TRIM16: variants seen among roughly 807,000 people sequenced by gnomAD.
The protein encoded by TRIM16 is tripartite motif-containing protein 16.
In TRIM16, 33 loss-of-function variants were observed where a neutral mutation model predicts 50.4. The observed-to-expected ratio is 0.65, with a 90% CI of 0.50 to 0.88. The LOEUF (loss-of-function observed/expected upper bound fraction) is 0.88. Ranked by LOEUF, TRIM16 falls within the 40% of genes least tolerant of loss-of-function variation. The pLI, the probability that TRIM16 is intolerant of heterozygous loss-of-function variation, is 0.00. For synonymous variants in TRIM16, 229 were observed against 270.7 expected (o/e 0.85, Z 1.51); for missense variants, 581 against 686.8 (o/e 0.85, Z 1.72).
intron 6 of TRIM16, among the ~76,000 whole-genome samples, chr17:15,676,091 G>C (rs1214533143): frequency 6.6e-6 from 1 of 152,014 alleles, no homozygotes; most frequent in Non-Finnish European, 1.5e-5. Flanking sequence ...TTACCACTTA[G>C]AGCAGGTTTT....
intron 6 of TRIM16, among the ~76,000 whole-genome samples, chr17:15,653,118 A>G (rs929227101): frequency 6.6e-6 from 1 of 152,022 alleles, no homozygotes; most frequent in African/African-American, 2.4e-5. Flanking sequence ...TTCTCGTTCT[A>G]TCAATATTAG....
intron 8 of TRIM16, 70 bp from the exon 9 acceptor site, chr17:15,636,339 A>G (rs1192833078): frequency 1.3e-6 from 2 of 1,530,988 alleles, no homozygotes; most frequent in Admixed American, 1.7e-5. Flanking sequence ...TAGAAACTCA[A>G]CATACAGAAA....
At chr17:15,660,482 C>T (rs1988175719) in intron 6 of TRIM16, among the ~76,000 whole-genome samples, 1 of 152,160 alleles carries the variant, frequency 6.6e-6, no homozygotes, top group African/African-American at 2.4e-5. Context: ...ATTTCTATAC[C>T]CCTGATTGTC....
intron 6 of TRIM16, among the ~76,000 whole-genome samples, chr17:15,664,891 G>T (rs951442654): frequency 2.0e-5 from 3 of 152,118 alleles, no homozygotes; most frequent in African/African-American, 2.4e-5. Flanking sequence ...AATTAGCCAG[G>T]TGTGGTGGCA....
chr17:15,667,204 T>C (rs1988535843), intron 6 of TRIM16, among the ~76,000 whole-genome samples: 1 of 152,156 alleles, frequency 6.6e-6, no homozygotes, highest in Non-Finnish European at 1.5e-5. Flanking sequence ...TATTCTTTGC[T>C]ATTTTCACCA....
rs183949741 is a variant in TRIM16, at chr17:15,680,345, G to A, written c.-590+520C>T. Among the ~76,000 whole-genome samples the A allele has an allele frequency of 2.5e-4, 36 of 141,504 alleles. 6 individuals carry two copies. The highest frequency in any genetic ancestry group is 1.0e-3 in the African/African-American group (35 of 34,634). 92.8% of individuals were successfully genotyped at this position (141,504 alleles called of 152,430 possible). On this transcript the variant is annotated intron_variant, in intron 4 of 11. Transcript: ENST00000649191. The stretch of plus-strand genomic sequence containing the variant: ...TATTGAGTAGGCCCTTAATAATAAG[G>A]CCCTATTTAATAATAATAAATCTGC...
chr17:15,681,990 C>T (rs1426197661), intron 3 of TRIM16, among the ~76,000 whole-genome samples: 1 of 152,178 alleles, frequency 6.6e-6, no homozygotes, highest in African/African-American at 2.4e-5. Context: ...TGCCTACTGC[C>T]TTTACATCCT....
At position 15,683,251 on chromosome 17, in the gene TRIM16, G is replaced by A. The variant is rs554157882; in HGVS notation, c.-898-94C>T. The A allele has an allele frequency of 1.5e-5, 15 of 978,006 alleles. No homozygotes were observed. In the East Asian group the frequency reaches 2.1e-4, roughly 14 times the overall value. 60.6% of individuals were successfully genotyped at this position (978,006 alleles called of 1,614,324 possible). A position where few individuals can be genotyped will look rare whatever the true frequency, so the allele number is the denominator to read the frequency against. ...CTCTACTCAGAACGCAGAGTCTGAC[G>A]CAGTATCTTTTGAGCTAAAGCTAAA... On this transcript the variant is annotated intron_variant, in intron 1 of 11. Coordinates refer to ENST00000649191, the MANE Select transcript of TRIM16 (RefSeq NM_001348119.1).
Position 15,631,789 on chromosome 17 carries a change from C to T in TRIM16, c.1016-75G>A, listed in dbSNP as rs570865911. On this transcript the variant is annotated intron_variant, in intron 10 of 11. Transcript: ENST00000649191. ...GAATCTGCAAATCAGGACTTCCCAG[C>T]CACCCTTCCCTGGGCTTCCTGGGGA... 185 of 1,415,952 alleles carry T rather than the reference C, an allele frequency of 1.3e-4. No individual in the cohort carries two copies. In the African/African-American group the frequency reaches 1.9e-3, roughly 15 times the overall value. The allele number at this position is 1,415,952 out of a possible 1,614,324, so 87.7% of individuals were successfully genotyped here.
chr17:15,654,106 T>C (rs544139199), intron 6 of TRIM16, among the ~76,000 whole-genome samples: 1 of 152,302 alleles, frequency 6.6e-6, no homozygotes, highest in South Asian at 2.1e-4. Flanking sequence ...CGGTGAGTTC[T>C]ATAGGATTTG....
At chr17:15,632,913 T>A in intron 9 of TRIM16, 1 of 451,110 alleles carries the variant, frequency 2.2e-6, no homozygotes, top group Non-Finnish European at 3.7e-6. Flanking sequence ...CATGGGATTT[T>A]AAAAATCAAG....
rs371788667 is a variant in TRIM16 at position 15,681,257 on chromosome 17, G to C, written c.-678-304C>G. 102 of 208,822 alleles carry C rather than the reference G, an allele frequency of 4.9e-4. 1 individual carries two copies. The South Asian group carries it at 0.015, about 32-fold the overall frequency. The allele number at this position is 208,822 out of a possible 1,614,324, so 12.9% of individuals were successfully genotyped here. A position where few individuals can be genotyped will look rare whatever the true frequency, so the allele number is the denominator to read the frequency against. On this transcript the variant is annotated intron_variant, in intron 3 of 11. Coordinates refer to ENST00000649191, the MANE Select transcript of TRIM16 (RefSeq NM_001348119.1). ...AACAAGAAGTGCAATGTTACAGTTG[G>C]AGAGGTGCTTAAAGACCTCCAGGCT...
chr17:15,677,894 A>C (rs1989014676), intron 4 of TRIM16, among the ~76,000 whole-genome samples, 173 bp from the exon 5 acceptor site: 1 of 152,212 alleles, frequency 6.6e-6, no homozygotes, highest in Admixed American at 6.5e-5. Context: ...GTTTTGTTTT[A>C]CAGTAATTTT....
chr17:15,668,046 A>C (rs1002798331), intron 6 of TRIM16, among the ~76,000 whole-genome samples: 3 of 152,048 alleles, frequency 2.0e-5, no homozygotes, highest in Non-Finnish European at 2.9e-5. Flanking sequence ...GGACCTATCC[A>C]TGTACTCGTG....
chr17:15,655,820 C>T (rs1348718849), intron 6 of TRIM16, among the ~76,000 whole-genome samples: 8 of 152,286 alleles, frequency 5.3e-5, no homozygotes, highest in African/African-American at 1.2e-4. Context: ...GTGATCTGCC[C>T]GCCTCGGCCT....
Position 15,667,984 on chromosome 17 carries a change from G to A in TRIM16, c.-338+9192C>T, listed in dbSNP as rs993636667. Among the ~76,000 whole-genome samples the A allele has an allele frequency of 2.3e-4, 35 of 151,888 alleles. 1 individual carries two copies. Among genetic ancestry groups the A allele is most frequent in the Middle Eastern group, 3.4e-3 (1 of 294 alleles). On this transcript the variant is annotated intron_variant, in intron 6 of 11. Coordinates refer to ENST00000649191, the MANE Select transcript of TRIM16 (RefSeq NM_001348119.1). Reference sequence around the variant, plus strand: ...GTAGCCACTATCTTATAACCCTTGAGTGATCTCACCTAGCTCATGTTCAGC... The same window carrying A: ...GTAGCCACTATCTTATAACCCTTGAATGATCTCACCTAGCTCATGTTCAGC...
intron 7 of TRIM16, among the ~76,000 whole-genome samples, chr17:15,645,658 G>C (rs1987336140): frequency 6.6e-6 from 1 of 152,326 alleles, no homozygotes; most frequent in Admixed American, 6.5e-5. Context: ...AGAACTCAGA[G>C]AGCATAAACT....
chr17:15,682,809 A>G lies in TRIM16; in HGVS notation c.-679+45T>C, dbSNP rs1374452087. On this transcript the variant is annotated intron_variant, in intron 3 of 11. Coordinates refer to ENST00000649191, the MANE Select transcript of TRIM16 (RefSeq NM_001348119.1). Reference sequence around the variant, plus strand: ...TCTTCTTTTTTCAGAGTTTCAAATTAAAAGGGAATATTAGTAAAATCACCA... The same window carrying G: ...TCTTCTTTTTTCAGAGTTTCAAATTGAAAGGGAATATTAGTAAAATCACCA... 3 of 1,381,278 alleles carry G rather than the reference A, an allele frequency of 2.2e-6. No individual in the cohort carries two copies. In the African/African-American group the frequency reaches 4.4e-5, roughly 20 times the overall value. The allele number at this position is 1,381,278 out of a possible 1,614,324, so 85.6% of individuals were successfully genotyped here.
chr17:15,660,627 G>A (rs540811677), intron 6 of TRIM16, among the ~76,000 whole-genome samples: 6 of 152,212 alleles, frequency 3.9e-5, no homozygotes, highest in African/African-American at 1.2e-4. Flanking sequence ...GGCCGGGCGC[G>A]GTGGCTCACA....
Sources: gnomAD v4.1 joint callset for allele counts (sites outside exome capture counted in the v4.1 genomes callset) on GRCh38, gnomAD v4.1.1 for gene constraint, MANE v1.5 for transcripts, NCBI Gene and HGNC (gene_info 2026-07-23, HGNC 2026-07-21) for gene names.